Variants in FRMPD4 observed in about 807,000 individuals in gnomAD.
The protein encoded by FRMPD4 is FERM and PDZ domain-containing protein 4.
A neutral mutation model predicts 94.1 loss-of-function variants in FRMPD4; 22 were observed. That is an observed-to-expected ratio of 0.23 (90% CI 0.17 to 0.33). FRMPD4 has a LOEUF of 0.33. Ranked by LOEUF, FRMPD4 falls within the 10% of genes least tolerant of loss-of-function variation. FRMPD4 has a pLI of 1.00. For synonymous variants in FRMPD4, 631 were observed against 548.6 expected (o/e 1.15, Z -2.10); for missense variants, 1,111 against 1,339.9 (o/e 0.83, Z 2.67).
At chrX:11,854,356 C>T (rs1372612411) in intron 1 of FRMPD4, among the ~76,000 whole-genome samples, 1 of 111,635 alleles carries the variant, frequency 9.0e-6, no homozygotes, top group Non-Finnish European at 1.9e-5. Flanking sequence ...AATCTCATGT[C>T]CTCGCAATTC....
chrX:12,361,885 C>T (rs926295256), intron 1 of FRMPD4, among the ~76,000 whole-genome samples: 2 of 111,394 alleles, frequency 1.8e-5, no homozygotes, highest in African/African-American at 6.5e-5. Flanking sequence ...CAGCATCACT[C>T]CAATCTCTGC....
Position 12,498,733 on chromosome X carries a change from G to A in FRMPD4, c.95G>A (p.Ser32Asn). The A allele has an allele frequency of 8.3e-7, 1 of 1,202,772 alleles. No homozygotes were observed. The highest frequency in any genetic ancestry group is 1.1e-6 in the Non-Finnish European group (1 of 889,129). The part of the protein sequence containing the change: ...WPPPSGTWGL[S>N]QVPPYGWEMT... ...CCTCCCTCGGGAACCTGGGGCTTGAGCCAGGTGCCGCCCTATGGATGGGAG... is the reference window on the plus strand; with the variant it reads ...CCTCCCTCGGGAACCTGGGGCTTGAACCAGGTGCCGCCCTATGGATGGGAG... The change falls in exon 2 of 17, where the codon AGC becomes AAC. Residue 32 changes from serine to asparagine, a missense_variant. Ser to Asn is a conservative substitution (Grantham distance 46). Coordinates refer to ENST00000675598, the MANE Select transcript of FRMPD4 (RefSeq NM_001368397.1).
At chrX:12,243,854 T>C (rs1213174592) in intron 1 of FRMPD4, among the ~76,000 whole-genome samples, 1 of 85,273 alleles carries the variant, frequency 1.2e-5, no homozygotes, top group East Asian at 4.2e-4. Flanking sequence ...TCGCCCAGGC[T>C]GGACTAGAGT....
At chrX:11,904,663 A>G (rs2053958010) in intron 3 of FRMPD4, among the ~76,000 whole-genome samples, 1 of 112,011 alleles carries the variant, frequency 8.9e-6, no homozygotes, top group Non-Finnish European at 1.9e-5. Context: ...CTCATGTGAG[A>G]TTAATACTCA....
chrX:12,006,032 T>C (rs1375320022), intron 3 of FRMPD4, among the ~76,000 whole-genome samples: 1 of 111,532 alleles, frequency 9.0e-6, no homozygotes, highest in Non-Finnish European at 1.9e-5. Context: ...GATTGTAGCC[T>C]TGGTACAATG....
chrX:12,068,736 T>C (rs2054941931), intron 3 of FRMPD4, among the ~76,000 whole-genome samples: 1 of 112,372 alleles, frequency 8.9e-6, no homozygotes, highest in African/African-American at 3.2e-5. Flanking sequence ...AGTAGATCAA[T>C]AATTGGTTAA....
rs1343863005 is a variant in FRMPD4 at position 12,216,231 on chromosome X, C to A, written c.41+77219C>A. 2.7e-5 allele frequency among the ~76,000 whole-genome samples: 3 copies of A among 111,539 alleles called. No individual in the cohort carries two copies. The East Asian group carries it at 8.5e-4, about 32-fold the overall frequency. ...ACCTGGACTGAGAAGACTCAGCCAG[C>A]TCAGGACTGGAGCAGCCGGGGCTTT... On this transcript the variant is annotated intron_variant, in intron 1 of 16. Transcript: ENST00000675598.
intron 3 of FRMPD4, among the ~76,000 whole-genome samples, chrX:11,999,559 C>T (rs1179822499): frequency 1.8e-5 from 2 of 112,148 alleles, no homozygotes; most frequent in Non-Finnish European, 3.8e-5. Context: ...CCTATTCCCT[C>T]AATTTGACGT....
intron 1 of FRMPD4, among the ~76,000 whole-genome samples, chrX:12,228,848 T>A (rs139629847): frequency 8.9e-6 from 1 of 111,800 alleles, no homozygotes; most frequent in African/African-American, 3.2e-5. Context: ...CCATGTGGAG[T>A]TTTTATTACT....
intron 1 of FRMPD4, among the ~76,000 whole-genome samples, chrX:12,190,160 A>G (rs373950410): frequency 7.1e-4 from 79 of 111,635 alleles, no homozygotes; most frequent in African/African-American, 2.5e-3. Context: ...AGTAAAATTT[A>G]TACAAGATCT....
chrX:11,900,113 A>G (rs1008307040), intron 3 of FRMPD4, among the ~76,000 whole-genome samples: 1 of 111,177 alleles, frequency 9.0e-6, no homozygotes, highest in Non-Finnish European at 1.9e-5. Flanking sequence ...CTTATTTAAC[A>G]TGTGGTAACA....
intron 1 of FRMPD4, among the ~76,000 whole-genome samples, chrX:12,291,033 A>G (rs1299430559): frequency 1.8e-5 from 2 of 111,119 alleles, no homozygotes; most frequent in Non-Finnish European, 3.8e-5. Context: ...CAAATCTTCG[A>G]TCTTCCTAGC....
intron 4 of FRMPD4, among the ~76,000 whole-genome samples, chrX:12,642,105 A>G (rs1489513608): frequency 9.0e-6 from 1 of 111,630 alleles, no homozygotes; most frequent in East Asian, 2.8e-4. Flanking sequence ...AGCATTTAGT[A>G]GGCATCCGCT....
At chrX:12,308,133 C>T (rs1259441165) in intron 1 of FRMPD4, among the ~76,000 whole-genome samples, 1 of 111,808 alleles carries the variant, frequency 8.9e-6, no homozygotes, top group Non-Finnish European at 1.9e-5. Flanking sequence ...TTCCCAGCTA[C>T]AGAAATACAA....
chrX:11,984,870 G>A (rs1217219357), intron 3 of FRMPD4, among the ~76,000 whole-genome samples: 1 of 112,153 alleles, frequency 8.9e-6, no homozygotes, highest in Non-Finnish European at 1.9e-5. Flanking sequence ...ATGAAAAAAT[G>A]GGCAAAGGTC....
intron 4 of FRMPD4, among the ~76,000 whole-genome samples, chrX:12,615,481 GT>G (rs2059227071): frequency 8.9e-6 from 1 of 111,880 alleles, no homozygotes; most frequent in African/African-American, 3.3e-5. Flanking sequence ...TTTATGTTAT[GT>G]TAAAAAATAT....
Position 12,182,581 on chromosome X carries a change from T to TAAATAAATAAATAA in FRMPD4, c.41+43570_41+43571insAATAAATAAATAAA, listed in dbSNP as rs199773710. ...GGGAAAATAAATAAATAAATAAATA[T>TAAATAAATAAATAA]ATATATATATGTCATCACTTTCTGT... On this transcript the variant is annotated intron_variant, in intron 1 of 16. Transcript: ENST00000675598. Among the ~76,000 whole-genome samples the TAAATAAATAAATAA allele has an allele frequency of 4.8e-3, 455 of 94,956 alleles. 4 individuals are homozygous for TAAATAAATAAATAA. Among genetic ancestry groups the TAAATAAATAAATAA allele is most frequent in the African/African-American group, 0.016 (434 of 27,554 alleles). 82.5% of individuals were successfully genotyped at this position (94,956 alleles called of 115,157 possible).
intron 4 of FRMPD4, among the ~76,000 whole-genome samples, chrX:12,646,526 C>T (rs2059549151): frequency 8.9e-6 from 1 of 112,043 alleles, no homozygotes; most frequent in African/African-American, 3.2e-5. Flanking sequence ...TATCATGGTT[C>T]ACTGAAAATC....
chrX:11,870,768 G>A (rs767875133), intron 2 of FRMPD4, among the ~76,000 whole-genome samples: 6 of 111,966 alleles, frequency 5.4e-5, no homozygotes, highest in South Asian at 3.8e-4. Flanking sequence ...ATCTTGGACC[G>A]GCAGTAGGTA....
Sources: gnomAD v4.1 joint callset for allele counts (sites outside exome capture counted in the v4.1 genomes callset) on GRCh38, gnomAD v4.1.1 for gene constraint, MANE v1.5 for transcripts, NCBI Gene and HGNC (gene_info 2026-07-23, HGNC 2026-07-21) for gene names.